The following PTPRM variants were observed in gnomAD, a reference collection of about 807,000 sequenced individuals.
The protein encoded by PTPRM is protein tyrosine phosphatase receptor type M.
In PTPRM, 47 loss-of-function variants were observed where a neutral mutation model predicts 186.7. That is an observed-to-expected ratio of 0.25 (90% CI 0.20 to 0.32). The LOEUF is 0.32. Among genes scored for constraint, PTPRM ranks in the 10% least tolerant of loss-of-function variants. The probability of loss-of-function intolerance (pLI) is 1.00; values close to 1 mark genes in which losing one functional copy is unlikely to be tolerated. For synonymous variants in PTPRM, 668 were observed against 674.9 expected (o/e 0.99, Z 0.16); for missense variants, 1,494 against 1,865.0 (o/e 0.80, Z 3.66).
chr18:8,134,056 C>T lies in PTPRM; in HGVS notation c.2168-9591C>T, dbSNP rs563859233. Among the ~76,000 whole-genome samples, 10 of 152,220 alleles carry T rather than the reference C, an allele frequency of 6.6e-5. No individual in the cohort carries two copies. In the South Asian group the frequency reaches 1.7e-3, roughly 25 times the overall value. On this transcript the variant is annotated intron_variant, in intron 13 of 32. Transcript: ENST00000580170. ...AGATGACAATTCTTTAACCCAAGGGCGGAATAAACCTCCTTTGTAATTTAT... is the reference window on the plus strand; with the variant it reads ...AGATGACAATTCTTTAACCCAAGGGTGGAATAAACCTCCTTTGTAATTTAT...
chr18:8,342,196 G>A (rs1224989844), intron 22 of PTPRM, among the ~76,000 whole-genome samples: 3 of 152,200 alleles, frequency 2.0e-5, no homozygotes, highest in Non-Finnish European at 4.4e-5. Context: ...GGCCCCTTGG[G>A]TGTGTCACTA....
intron 5 of PTPRM, among the ~76,000 whole-genome samples, chr18:7,936,453 C>T (rs1435698087): frequency 6.6e-6 from 1 of 152,216 alleles, no homozygotes; most frequent in African/African-American, 2.4e-5. Flanking sequence ...CTGTCGCAAC[C>T]CAGCCAGGTG....
intron 14 of PTPRM, among the ~76,000 whole-genome samples, chr18:8,151,548 T>C (rs928635480): frequency 7.0e-6 from 1 of 143,368 alleles, no homozygotes; most frequent in Admixed American, 7.1e-5. Context: ...CTGCAAGAAT[T>C]TCAAGCCAAT....
intron 7 of PTPRM, among the ~76,000 whole-genome samples, chr18:7,991,027 T>C (rs1199215119): frequency 6.6e-6 from 1 of 152,204 alleles, no homozygotes; most frequent in African/African-American, 2.4e-5. Flanking sequence ...TTCAGTGGAA[T>C]CAGTGAATTT....
intron 6 of PTPRM, among the ~76,000 whole-genome samples, chr18:7,953,427 G>T (rs999635986): frequency 6.6e-6 from 1 of 152,130 alleles, no homozygotes; most frequent in Non-Finnish European, 1.5e-5. Context: ...GATATGAATT[G>T]ATGTTAAATC....
chr18:8,359,408 C>T (rs549189060), intron 23 of PTPRM, among the ~76,000 whole-genome samples: 8 of 152,368 alleles, frequency 5.3e-5, no homozygotes, highest in East Asian at 1.9e-4. Flanking sequence ...GTCACCCCTG[C>T]GGAGCCCTGT....
intron 7 of PTPRM, among the ~76,000 whole-genome samples, chr18:8,030,084 G>C (rs1000647854): frequency 6.6e-6 from 1 of 152,164 alleles, no homozygotes; most frequent in African/African-American, 2.4e-5. Context: ...CACACAAGTC[G>C]ATGCCAATCT....
At chr18:7,922,671 T>A (rs987727791) in intron 4 of PTPRM, among the ~76,000 whole-genome samples, 4 of 152,184 alleles carry the variant, frequency 2.6e-5, no homozygotes, top group Non-Finnish European at 4.4e-5. Context: ...CTGGTGATAA[T>A]CTCTGTGCTG....
intron 2 of PTPRM, among the ~76,000 whole-genome samples, chr18:7,793,216 C>T (rs1261447111): frequency 1.3e-5 from 2 of 152,078 alleles, no homozygotes; most frequent in Admixed American, 6.5e-5. Flanking sequence ...CAGCTGTTAG[C>T]GTAGTTGTTA....
chr18:8,206,486 C>G (rs960285251), intron 14 of PTPRM, among the ~76,000 whole-genome samples: 22 of 152,022 alleles, frequency 1.4e-4, no homozygotes, highest in African/African-American at 5.3e-4. Context: ...CTGACCTCAT[C>G]ATCTGCCCGC....
intron 1 of PTPRM, among the ~76,000 whole-genome samples, chr18:7,589,972 C>T (rs2037080854): frequency 6.6e-6 from 1 of 152,114 alleles, no homozygotes; most frequent in Non-Finnish European, 1.5e-5. Flanking sequence ...GTGACATTCA[C>T]CTTTACACTT....
intron 2 of PTPRM, among the ~76,000 whole-genome samples, chr18:7,789,680 G>C (rs1320488939): frequency 2.6e-5 from 4 of 152,120 alleles, no homozygotes; most frequent in Non-Finnish European, 5.9e-5. Context: ...ATTTGCTCTG[G>C]CTGGCATCTT....
At chr18:8,390,789 G>C (rs1052124555) in intron 31 of PTPRM, among the ~76,000 whole-genome samples, 8 of 152,022 alleles carry the variant, frequency 5.3e-5, no homozygotes, top group Non-Finnish European at 1.0e-4. Context: ...TTAGCCGGGC[G>C]CAGTGGCAGG....
In PTPRM at chr18:7,926,578, T is replaced by C. The variant is rs1301107330; in HGVS notation, c.558T>C (p.Pro186=). Residue 186 remains proline (P), a synonymous_variant, in exon 5 of 33, where the codon CCT becomes CCC. Transcript: ENST00000580170. The stretch of plus-strand genomic sequence containing the variant: ...TTTTTCTTTATGTAGCCAGGACTCC[T>C]CACTTCCTGCGGATTCAGAATGTGG... ...KVLGHPCTRT[P]HFLRIQNVEV... is the part of the protein sequence containing the mutation. 9 of 1,612,764 alleles carry C rather than the reference T, an allele frequency of 5.6e-6. No homozygotes were observed. The highest frequency in any genetic ancestry group is 1.3e-5 in the African/African-American group (1 of 74,904).
intron 3 of PTPRM, among the ~76,000 whole-genome samples, chr18:7,891,327 C>T (rs943552083): frequency 4.7e-5 from 7 of 149,094 alleles, no homozygotes; most frequent in Non-Finnish European, 1.0e-4. Context: ...AGCAGAATCT[C>T]TCTAGCTAGT....
intron 1 of PTPRM, among the ~76,000 whole-genome samples, chr18:7,593,711 A>G (rs2037183272): frequency 6.6e-6 from 1 of 152,194 alleles, no homozygotes; most frequent in African/African-American, 2.4e-5. Flanking sequence ...GGAAATGGGC[A>G]TTGCAGGAAT....
At chr18:8,168,903 T>C (rs2093359370) in intron 14 of PTPRM, among the ~76,000 whole-genome samples, 1 of 152,204 alleles carries the variant, frequency 6.6e-6, no homozygotes, top group African/African-American at 2.4e-5. Context: ...CATGCCATGG[T>C]AGATAGTTTA....
chr18:8,329,304 C>T (rs2095397792), intron 22 of PTPRM, among the ~76,000 whole-genome samples: 1 of 152,184 alleles, frequency 6.6e-6, no homozygotes, highest in South Asian at 2.1e-4. Flanking sequence ...AAGTGACCTT[C>T]ATCCACATAA....
At chr18:8,371,196 A>G (rs2095660795) in intron 24 of PTPRM, among the ~76,000 whole-genome samples, 190 bp downstream of exon 24, 1 of 152,222 alleles carries the variant, frequency 6.6e-6, no homozygotes, top group Non-Finnish European at 1.5e-5. Flanking sequence ...AAAACAAATC[A>G]TTCTCATTTC....
Sources: allele counts gnomAD v4.1 joint callset (sites outside exome capture counted in the v4.1 genomes callset), GRCh38; gene constraint gnomAD v4.1.1; transcripts MANE v1.5; gene names NCBI Gene and HGNC (gene_info 2026-07-23, HGNC 2026-07-21).